The following PKIB variants were observed in gnomAD, a reference collection of about 807,000 sequenced individuals.
The protein encoded by PKIB is PKI-beta.
PKIB carries 2 observed loss-of-function variants against 4.5 expected under a neutral mutation model. The ratio of observed to expected loss-of-function variants is 0.44; its 90% CI spans 0.18 to 1.39. PKIB has a LOEUF of 1.39. Ranked by LOEUF, PKIB falls within the 40% of genes most tolerant of loss-of-function variation. The pLI is 0.27. For synonymous variants in PKIB, 38 were observed against 36.0 expected (o/e 1.06, Z -0.20); for missense variants, 94 against 92.6 (o/e 1.02, Z -0.06).
At position 122,684,186 on chromosome 6, in the gene PKIB, G is replaced by A. The variant is rs533621726; in HGVS notation, c.-9+9042G>A. Among the ~76,000 whole-genome samples, 4 of 152,246 alleles carry A rather than the reference G, an allele frequency of 2.6e-5. No homozygotes were observed. The South Asian group carries it at 8.3e-4, about 32-fold the overall frequency. ...TGATGGTGGTTGCCAGGAGATTGCA[G>A]AACAAGGAAATGGGGAGTTACTAAT... On this transcript the variant is annotated intron_variant, in intron 3 of 4. Transcript: ENST00000368452.
chr6:122,557,137 AT>A (rs1384808186), intron 2 of PKIB, among the ~76,000 whole-genome samples: 1 of 152,202 alleles, frequency 6.6e-6, no homozygotes, highest in African/African-American at 2.4e-5. Context: ...AATCACTTGA[AT>A]CCAGGAGGCA....
At chr6:122,623,509 T>A (rs1282525746) in intron 1 of PKIB, among the ~76,000 whole-genome samples, 1 of 152,196 alleles carries the variant, frequency 6.6e-6, no homozygotes, top group Non-Finnish European at 1.5e-5. Flanking sequence ...CTCCCACCAC[T>A]TTTTTATTCA....
At chr6:122,559,520 T>G (rs1259242920) in intron 2 of PKIB, among the ~76,000 whole-genome samples, 1 of 152,036 alleles carries the variant, frequency 6.6e-6, no homozygotes, top group Non-Finnish European at 1.5e-5. Flanking sequence ...GCTTTGGTTG[T>G]GTGGGCTCTT....
chr6:122,539,968 T>G (rs890694185), intron 2 of PKIB, among the ~76,000 whole-genome samples: 1 of 152,126 alleles, frequency 6.6e-6, no homozygotes, highest in South Asian at 2.1e-4. Flanking sequence ...TTTATTTGGG[T>G]AGAGGTGTTG....
In PKIB at chr6:122,651,645, T is replaced by A. The variant is rs1175176050; in HGVS notation, c.-76+18278T>A. On this transcript the variant is annotated intron_variant, in intron 2 of 4. Transcript: ENST00000368452. ...TTGTTCTCAATCAATCCTCCTACTT[T>A]AACAGGAGAAATTCATTTTGTGTTG... 2.6e-5 allele frequency among the ~76,000 whole-genome samples: 4 copies of A among 152,208 alleles called. No homozygotes were observed. The East Asian group carries it at 7.7e-4, about 29-fold the overall frequency.
At chr6:122,552,970 A>G (rs112617934) in intron 2 of PKIB, among the ~76,000 whole-genome samples, 6 of 151,990 alleles carry the variant, frequency 3.9e-5, no homozygotes, top group Middle Eastern at 3.4e-3. Flanking sequence ...TCCTAAATTC[A>G]CTGGATTTTT....
At chr6:122,597,376 A>G (rs1774211265) in intron 3 of PKIB, among the ~76,000 whole-genome samples, 1 of 152,210 alleles carries the variant, frequency 6.6e-6, no homozygotes, top group South Asian at 2.1e-4. Context: ...GTTGGACCTT[A>G]TGGACAGGAA....
At chr6:122,658,276 C>T (rs1776851468) in intron 2 of PKIB, among the ~76,000 whole-genome samples, 2 of 152,070 alleles carry the variant, frequency 1.3e-5, no homozygotes, top group South Asian at 4.2e-4. Context: ...CACACATGAC[C>T]ACTAAATTAG....
At chr6:122,607,569 C>T (rs1042612094), upstream of PKIB, among the ~76,000 whole-genome samples, 2 of 152,108 alleles carry the variant, frequency 1.3e-5, no homozygotes, top group African/African-American at 2.4e-5. Context: ...CATAGACCCA[C>T]GAAGCCAGCC....
chr6:122,633,528 T>G (rs1339302547), intron 2 of PKIB, among the ~76,000 whole-genome samples, 161 bp downstream of exon 2: 4 of 152,216 alleles, frequency 2.6e-5, no homozygotes, highest in Non-Finnish European at 5.9e-5. Flanking sequence ...ATAAGATTGA[T>G]AGAATATATT....
chr6:122,581,308 T>C (rs1274293708), intron 2 of PKIB, among the ~76,000 whole-genome samples: 3 of 152,178 alleles, frequency 2.0e-5, no homozygotes, highest in Non-Finnish European at 2.9e-5. Context: ...AGAGAATTTC[T>C]TCCTACTTTA....
At chr6:122,541,517 C>T (rs1377467941) in intron 2 of PKIB, among the ~76,000 whole-genome samples, 2 of 152,122 alleles carry the variant, frequency 1.3e-5, no homozygotes, top group Middle Eastern at 3.4e-3. Context: ...GGCCCCCACT[C>T]TCTTCTGTCT....
intron 2 of PKIB, among the ~76,000 whole-genome samples, chr6:122,567,179 A>G (rs902732261): frequency 6.6e-5 from 10 of 152,150 alleles, no homozygotes; most frequent in Admixed American, 3.9e-4. Flanking sequence ...TGTTATCTCT[A>G]TGCTTGGAGT....
At position 122,704,021 on chromosome 6, in the gene PKIB, CA is replaced by C. The variant is rs1435576220; in HGVS notation, c.-8-13764del. ...AGGCTGAGAAGTCCTAAGGCTTTGG[CA>C]AGCTAGAGACTCAGGAGAGCTAATG... On this transcript the variant is annotated intron_variant, in intron 3 of 4. Transcript: ENST00000368452. Among the ~76,000 whole-genome samples, 5 of 150,382 alleles carry C rather than the reference CA, an allele frequency of 3.3e-5. No individual in the cohort carries two copies. The East Asian group carries it at 7.9e-4, about 24-fold the overall frequency.
At chr6:122,706,647 T>TTTCCTC (rs548095293) in intron 3 of PKIB, among the ~76,000 whole-genome samples, 298 of 152,242 alleles carry the variant, frequency 2.0e-3, no homozygotes, top group African/African-American at 7.0e-3. Context: ...TGATCGTCAG[T>TTTCCTC]TTCCTCACCC....
intron 2 of PKIB, among the ~76,000 whole-genome samples, chr6:122,564,625 C>T (rs1412160361): frequency 6.6e-6 from 1 of 152,146 alleles, no homozygotes; most frequent in African/African-American, 2.4e-5. Context: ...TGGTTTTACT[C>T]ATCAGAGTTT....
At position 122,632,893 on chromosome 6, in the gene PKIB, C is replaced by G. The variant is rs1012145484; in HGVS notation, c.-160-390C>G. ...TTTGAAAATCTAAAAAAAAATCTTGCTTTCTTGTTTATTTTACTATTTAGT... is the reference window on the plus strand; with the variant it reads ...TTTGAAAATCTAAAAAAAAATCTTGGTTTCTTGTTTATTTTACTATTTAGT... On this transcript the variant is annotated intron_variant, in intron 1 of 4. Coordinates refer to ENST00000368452, the MANE Select transcript of PKIB (RefSeq NM_181795.3). Among the ~76,000 whole-genome samples, 34 of 152,110 alleles carry G rather than the reference C, an allele frequency of 2.2e-4. 1 individual carries two copies. Among genetic ancestry groups the G allele is most frequent in the South Asian group, 2.1e-4 (1 of 4,830 alleles).
chr6:122,669,401 G>A (rs1777358479), intron 2 of PKIB, among the ~76,000 whole-genome samples: 1 of 152,014 alleles, frequency 6.6e-6, no homozygotes, highest in Non-Finnish European at 1.5e-5. Context: ...CTTGAATCAA[G>A]GTTAATTCTA....
At chr6:122,619,520 T>TA (rs569826375) in intron 1 of PKIB, among the ~76,000 whole-genome samples, 1 of 152,080 alleles carries the variant, frequency 6.6e-6, no homozygotes, top group Non-Finnish European at 1.5e-5. Context: ...CCTTGGAACT[T>TA]ACCTTTCTCA....
Sources: allele counts gnomAD v4.1 joint callset (sites outside exome capture counted in the v4.1 genomes callset), GRCh38; gene constraint gnomAD v4.1.1; transcripts MANE v1.5; gene names NCBI Gene and HGNC (gene_info 2026-07-23, HGNC 2026-07-21).